Variants in LRFN3 observed in about 807,000 individuals in gnomAD.
LRFN3 encodes the protein leucine-rich repeat and fibronectin type-III domain-containing protein 3.
A neutral mutation model predicts 23.8 loss-of-function variants in LRFN3; 8 were observed. The ratio of observed to expected loss-of-function variants is 0.34; its 90% CI spans 0.20 to 0.61. The LOEUF is 0.61. Ranked by LOEUF, LRFN3 falls within the 20% of genes least tolerant of loss-of-function variation. The pLI, the probability that LRFN3 is intolerant of heterozygous loss-of-function variation, is 0.80. For missense variants in LRFN3, 736 were observed against 935.3 expected, an observed-to-expected ratio of 0.79 and a Z score of 2.78; for synonymous variants, 451 against 450.6, an observed-to-expected ratio of 1.00 and a Z score of -0.01.
rs962207537 is a variant in LRFN3, at chr19:35,944,822, G to A, written c.1690G>A (p.Val564Met). ...CTTCGTGCTGCTAATGCGCTACAAG[G>A]TGCACGGCGGCCAGCCCCCCGGCAA... ...FIFVLLMRYK[V>M]HGGQPPGKAK... is the part of the protein sequence containing the mutation. Residue 564 changes from valine (V) to methionine (M), a missense_variant, in exon 3 of 3, where the codon GTG becomes ATG. Physicochemically the swap from Val to Met is conservative, Grantham distance 21. Transcript: ENST00000246529. This position sits in a 1 kb window ranked among gnomAD's most constrained non-coding sequence, Gnocchi z 4.5. 1.8e-5 allele frequency: 29 copies of A among 1,608,586 alleles called. No homozygotes were observed. Among genetic ancestry groups the A allele is most frequent in the Non-Finnish European group, 2.2e-5 (26 of 1,179,220 alleles).
rs1976100043 is a variant in LRFN3 at position 35,940,110 on chromosome 19, C to T, written c.685C>T (p.Pro229Ser). 1.2e-6 allele frequency: 2 copies of T among 1,611,616 alleles called. No homozygotes were observed. Among genetic ancestry groups the T allele is most frequent in the South Asian group, 2.2e-5 (2 of 91,036 alleles). ...ACCCGACCCACTCTTCTCCCGCCTG[C>T]CCCTGCTCGCCAGGCCCCGGGGCTC... ...IPPDPLFSRL[P>S]LLARPRGSPA... The change falls in exon 2 of 3, where the codon CCC becomes TCC. Residue 229 changes from proline (P) to serine (S), a missense_variant. Around this residue, in one of 2 missense-constraint regions of LRFN3, gnomAD observed 446 missense variants for 647.9 expected, o/e 0.69. Coordinates refer to ENST00000246529, the MANE Select transcript of LRFN3 (RefSeq NM_024509.2).
intron 1 of LRFN3, among the ~76,000 whole-genome samples, chr19:35,938,281 CCT>C (rs1254476305): frequency 1.3e-5 from 2 of 151,170 alleles, no homozygotes; most frequent in Non-Finnish European, 3.0e-5. Context: ...GGCCACCTCT[CCT>C]CTCTCTCTCA....
Position 35,939,665 on chromosome 19 carries a change from C to A in LRFN3, c.240C>A (p.Ala80=). 1 of 1,608,090 alleles carries A rather than the reference C, an allele frequency of 6.2e-7. No homozygotes were observed. The highest frequency in any genetic ancestry group is 8.5e-7 in the Non-Finnish European group (1 of 1,179,316). The change falls in exon 2 of 3, where the codon GCC becomes GCA. Residue 80 remains alanine (A), a synonymous_variant. Coordinates refer to ENST00000246529, the MANE Select transcript of LRFN3 (RefSeq NM_024509.2). The surrounding 1 kb of genome is among the most constrained non-coding windows in gnomAD (Gnocchi z 6.4). ...CCTCCGTGCGCCGCCGCGACCTGGC[C>A]AACATGACAGGCCTGCTGCATCTGA... ...FIASVRRRDL[A]NMTGLLHLSL...
intron 2 of LRFN3, among the ~76,000 whole-genome samples, chr19:35,943,903 G>A (rs958284714): frequency 6.6e-6 from 1 of 152,258 alleles, no homozygotes; most frequent in Non-Finnish European, 1.5e-5. Flanking sequence ...AAATGAAACC[G>A]GCAAGGTGTG....
In LRFN3 at chr19:35,945,019, G is replaced by A. The variant is rs1278619871; in HGVS notation, c.1887G>A (p.Ter629=). The change falls in exon 3 of 3, where the codon TAG becomes TAA. Residue 629 remains the stop codon, a stop_retained_variant. Transcript: ENST00000246529. ...WGPGHEPVGP[*] is the part of the protein sequence containing the mutation. ...CCGGCCACGAACCTGTGGGACCCTA[G>A]CCAGGCGCCCCCCCCTCTAAGGGTC... The A allele has an allele frequency of 1.5e-6, 2 of 1,368,126 alleles. No homozygotes were observed. Among genetic ancestry groups the A allele is most frequent in the Middle Eastern group, 2.7e-4 (1 of 3,710 alleles). 84.7% of individuals were successfully genotyped at this position (1,368,126 alleles called of 1,614,324 possible). A position where few individuals can be genotyped will look rare whatever the true frequency, so the allele number is the denominator to read the frequency against.
Position 35,944,855 on chromosome 19 carries a change from A to T in LRFN3, c.1723A>T (p.Ile575Phe). The T allele has an allele frequency of 6.2e-7, 1 of 1,602,462 alleles. No homozygotes were observed. Among genetic ancestry groups the T allele is most frequent in the East Asian group, 2.2e-5 (1 of 44,808 alleles). The change falls in exon 3 of 3, where the codon ATT becomes TTT. Residue 575 changes from isoleucine (I) to phenylalanine (F), a missense_variant. This residue lies in a region of LRFN3 where 290 missense variants were observed against 287.4 expected (regional missense o/e 1.01). Coordinates refer to ENST00000246529, the MANE Select transcript of LRFN3 (RefSeq NM_024509.2). The surrounding 1 kb of genome is among the most constrained non-coding windows in gnomAD (Gnocchi z 4.5). Reference sequence around the variant, plus strand: ...CGGCCAGCCCCCCGGCAAGGCCAAGATTCCCGCGCCTGTTAGCAGCGTTTG... The same window carrying T: ...CGGCCAGCCCCCCGGCAAGGCCAAGTTTCCCGCGCCTGTTAGCAGCGTTTG... ...HGGQPPGKAK[I>F]PAPVSSVCSQ...
intron 2 of LRFN3, among the ~76,000 whole-genome samples, chr19:35,942,183 A>AT (rs1976130087): frequency 6.6e-6 from 1 of 152,100 alleles, no homozygotes; most frequent in Admixed American, 6.6e-5. Flanking sequence ...CGCCCGACAG[A>AT]TTTTTTATTT....
intron 1 of LRFN3, among the ~76,000 whole-genome samples, chr19:35,938,608 C>T (rs1976082790): frequency 6.6e-6 from 1 of 152,196 alleles, no homozygotes; most frequent in South Asian, 2.1e-4. Flanking sequence ...CCGCACCATC[C>T]TCCTGAGCAG....
Position 35,940,476 on chromosome 19 carries a change from C to T in LRFN3, c.1051C>T (p.Leu351=), listed in dbSNP as rs1156447180. ...SRARAFPNGT[L]ELLVTEPGDG... is the part of the protein sequence containing the mutation. ...TGCCCGCGCCTTCCCCAATGGGACGCTGGAGCTGCTGGTCACCGAGCCGGG... is the reference window on the plus strand; with the variant it reads ...TGCCCGCGCCTTCCCCAATGGGACGTTGGAGCTGCTGGTCACCGAGCCGGG... The change falls in exon 2 of 3, where the codon CTG becomes TTG. Residue 351 remains leucine, a synonymous_variant. Coordinates refer to ENST00000246529, the MANE Select transcript of LRFN3 (RefSeq NM_024509.2). 6 of 1,610,468 alleles carry T rather than the reference C, an allele frequency of 3.7e-6. No homozygotes were observed. The East Asian group carries it at 1.3e-4, about 36-fold the overall frequency.
chr19:35,942,008 G>A (rs912955710), intron 2 of LRFN3, among the ~76,000 whole-genome samples: 2 of 151,600 alleles, frequency 1.3e-5, no homozygotes, highest in East Asian at 1.9e-4. Flanking sequence ...TCAGCCTCCC[G>A]AGTAGCTGGG....
At chr19:35,943,121 C>T (rs537552230) in intron 2 of LRFN3, among the ~76,000 whole-genome samples, 3 of 152,078 alleles carry the variant, frequency 2.0e-5, no homozygotes, top group South Asian at 2.1e-4. Context: ...CTGCCCCAGG[C>T]GGCCACGGAG....
intron 2 of LRFN3, 110 bp downstream of exon 2, chr19:35,940,950 G>A (rs2145301085): frequency 6.6e-6 from 9 of 1,355,520 alleles, no homozygotes; most frequent in Middle Eastern, 2.1e-4. Flanking sequence ...AAGTGATGCT[G>A]GAAGGTTCCA....
chr19:35,944,950 C>T lies in LRFN3; in HGVS notation c.1818C>T (p.Leu606=). 6.8e-7 allele frequency: 1 copy of T among 1,480,832 alleles called. No homozygotes were observed. The highest frequency in any genetic ancestry group is 8.9e-7 in the Non-Finnish European group (1 of 1,127,206). 91.7% of individuals were successfully genotyped at this position (1,480,832 alleles called of 1,614,324 possible). A position where few individuals can be genotyped will look rare whatever the true frequency, so the allele number is the denominator to read the frequency against. The part of the protein sequence containing the change: ...PAPPAPEPAA[L]RAHTVVQLDC... ...CGCCCGCCCCGGAGCCCGCGGCGCT[C>T]AGGGCCCACACCGTGGTCCAGCTGG... Residue 606 remains leucine, a synonymous_variant, in exon 3 of 3, where the codon CTC becomes CTT. Coordinates refer to ENST00000246529, the MANE Select transcript of LRFN3 (RefSeq NM_024509.2). The surrounding 1 kb of genome is among the most constrained non-coding windows in gnomAD (Gnocchi z 4.5).
intron 2 of LRFN3, among the ~76,000 whole-genome samples, chr19:35,942,177 C>T (rs758011092): frequency 3.9e-5 from 6 of 152,162 alleles, no homozygotes; most frequent in South Asian, 2.1e-4. Context: ...CCACCGCGCC[C>T]GACAGATTTT....
At chr19:35,943,544 G>GTA in intron 2 of LRFN3, among the ~76,000 whole-genome samples, 1 of 152,202 alleles carries the variant, frequency 6.6e-6, no homozygotes, top group East Asian at 1.9e-4. Context: ...AATCCTAGCT[G>GTA]TACACTAGAG....
At chr19:35,937,682 T>G (rs1976071606) in intron 1 of LRFN3, 127 bp downstream of exon 1, 1 of 152,916 alleles carries the variant, frequency 6.5e-6, no homozygotes, top group South Asian at 2.1e-4. Context: ...CCCATGGGTC[T>G]GCCTTCAGCT....
rs576990800 is a variant in LRFN3, at chr19:35,944,356, G to GT, written c.1416-191dup. On this transcript the variant is annotated intron_variant, in intron 2 of 2. Coordinates refer to ENST00000246529, the MANE Select transcript of LRFN3 (RefSeq NM_024509.2). The surrounding 1 kb of genome is among the most constrained non-coding windows in gnomAD (Gnocchi z 4.5). The stretch of plus-strand genomic sequence containing the variant: ...TGAAATTGGCCAACAGACTGGAGGG[G>GT]TATCAGTCAGGTGGCTGAATGGGAT... 4.6e-3 allele frequency among the ~76,000 whole-genome samples: 700 copies of GT among 152,332 alleles called. 8 individuals carry two copies. The highest frequency in any genetic ancestry group is 0.016 in the African/African-American group (659 of 41,578).
Position 35,940,063 on chromosome 19 carries a change from C to T in LRFN3, c.638C>T (p.Ser213Phe). The part of the protein sequence containing the change: ...LHKLARLDMT[S>F]NRLTTIPPDP... ...AAGCTGGCCCGGCTGGACATGACCT[C>T]CAACCGCCTGACCACAATCCCACCC... The change falls in exon 2 of 3, where the codon TCC (serine) becomes TTC (phenylalanine). Residue 213 changes from serine (S) to phenylalanine (F), a missense_variant. Around this residue, in one of 2 missense-constraint regions of LRFN3, gnomAD observed 446 missense variants for 647.9 expected, o/e 0.69. Coordinates refer to ENST00000246529, the MANE Select transcript of LRFN3 (RefSeq NM_024509.2). 1 of 1,612,482 alleles carries T rather than the reference C, an allele frequency of 6.2e-7. No individual in the cohort carries two copies. Among genetic ancestry groups the T allele is most frequent in the Non-Finnish European group, 8.5e-7 (1 of 1,179,754 alleles).
chr19:35,939,465 G>A lies in LRFN3; in HGVS notation c.40G>A (p.Ala14Thr). The change falls in exon 2 of 3, where the codon GCC becomes ACC. Residue 14 changes from alanine to threonine, a missense_variant. Transcript: ENST00000246529. The surrounding 1 kb of genome is among the most constrained non-coding windows in gnomAD (Gnocchi z 6.4). ...LPLLLCLLPLAPASSPPQSAT... is the reference protein window; with the variant it reads ...LPLLLCLLPLTPASSPPQSAT... ...GTTGCTCCTGTGCCTGCTGCCGCTG[G>A]CCCCTGCCTCATCCCCACCCCAGTC... 1 of 1,598,186 alleles carries A rather than the reference G, an allele frequency of 6.3e-7. No homozygotes were observed. The highest frequency in any genetic ancestry group is 8.5e-7 in the Non-Finnish European group (1 of 1,174,554).
Sources: allele counts gnomAD v4.1 joint callset (sites outside exome capture counted in the v4.1 genomes callset), GRCh38; gene constraint gnomAD v4.1.1; regional missense constraint gnomAD v4.1.1; non-coding constraint Gnocchi (gnomAD v3.1); transcripts MANE v1.5; gene names NCBI Gene and HGNC (gene_info 2026-07-23, HGNC 2026-07-21).